RTN4RL1: variants seen among roughly 807,000 people sequenced by gnomAD.
RTN4RL1 encodes reticulon 4 receptor like 1.
A neutral mutation model predicts 25.6 loss-of-function variants in RTN4RL1; 7 were observed. The ratio of observed to expected loss-of-function variants is 0.27; its 90% CI spans 0.16 to 0.51. RTN4RL1 has a LOEUF of 0.51. Among genes scored for constraint, RTN4RL1 ranks in the 20% least tolerant of loss-of-function variants. The pLI is 0.97. For missense variants in RTN4RL1, 500 were observed against 615.6 expected (o/e 0.81, Z 1.99); for synonymous variants, 297 against 288.2 (o/e 1.03, Z -0.31).
chr17:1,949,994 A>G (rs1002640046), intron 1 of RTN4RL1, among the ~76,000 whole-genome samples: 1 of 152,240 alleles, frequency 6.6e-6, no homozygotes, highest in Non-Finnish European at 1.5e-5. Flanking sequence ...GCAGAGGGGC[A>G]GGAGATGGGG....
intron 1 of RTN4RL1, among the ~76,000 whole-genome samples, chr17:1,959,310 GTCT>G (rs1042801222): frequency 2.6e-5 from 4 of 152,206 alleles, no homozygotes; most frequent in African/African-American, 7.2e-5. Context: ...ATCTAATAGT[GTCT>G]TCTTCATCCT....
chr17:1,995,018 T>A (rs977168763), intron 1 of RTN4RL1, among the ~76,000 whole-genome samples: 1 of 151,762 alleles, frequency 6.6e-6, no homozygotes, highest in African/African-American at 2.4e-5. Context: ...GTCTGGAGCA[T>A]GTGGTTCCCC....
chr17:1,960,548 A>G (rs1915873919), intron 1 of RTN4RL1, among the ~76,000 whole-genome samples: 1 of 152,154 alleles, frequency 6.6e-6, no homozygotes, highest in South Asian at 2.1e-4. Flanking sequence ...TTTTCTTGTA[A>G]AATATACACA....
rs2151320174 is a variant in RTN4RL1 at position 1,994,587 on chromosome 17, A to G, written c.13+30266T>C. On this transcript the variant is annotated intron_variant, in intron 1 of 1. Transcript: ENST00000331238. This position sits in a 1 kb window ranked among gnomAD's most constrained non-coding sequence, Gnocchi z 4.3. ...GAAGGTCCTGCCACTACCTAACTTC[A>G]CAGAAGGCAGAGGACAATGAGTCTG... Among the ~76,000 whole-genome samples, 1 of 152,256 alleles carries G rather than the reference A, an allele frequency of 6.6e-6. No individual in the cohort carries two copies. Among genetic ancestry groups the G allele is most frequent in the Admixed American group, 6.5e-5 (1 of 15,284 alleles).
chr17:1,934,970 C>T lies in RTN4RL1; in HGVS notation c.*1526G>A, dbSNP rs538653455. The T allele has an allele frequency of 8.5e-5, 13 of 152,442 alleles. No individual in the cohort carries two copies. The highest frequency in any genetic ancestry group is 2.9e-4 in the African/African-American group (12 of 41,580). 9.4% of individuals were successfully genotyped at this position (152,442 alleles called of 1,614,324 possible). A position where few individuals can be genotyped will look rare whatever the true frequency, so the allele number is the denominator to read the frequency against. On this transcript the variant is annotated 3_prime_UTR_variant, in exon 2 of 2. Coordinates refer to ENST00000331238, the MANE Select transcript of RTN4RL1 (RefSeq NM_178568.4). The surrounding 1 kb of genome is among the most constrained non-coding windows in gnomAD (Gnocchi z 4.0). ...GGACGGCTGGGAGGGCCAGGTCTTC[C>T]GTGATGCAGAAGTGCCTGAGATGGT...
intron 1 of RTN4RL1, among the ~76,000 whole-genome samples, chr17:1,953,964 C>T (rs1915736763): frequency 6.6e-6 from 1 of 152,220 alleles, no homozygotes; most frequent in Non-Finnish European, 1.5e-5. Flanking sequence ...GGCCCTGAAG[C>T]CCCATCTTTC....
At position 1,998,106 on chromosome 17, in the gene RTN4RL1, C is replaced by A. The variant is rs1016192669; in HGVS notation, c.13+26747G>T. ...GGCCTCATTACCGAGGGAGAGCTGCCGGGGCTGGCAGGGGAGCCAGACGGC... is the reference window on the plus strand; with the variant it reads ...GGCCTCATTACCGAGGGAGAGCTGCAGGGGCTGGCAGGGGAGCCAGACGGC... On this transcript the variant is annotated intron_variant, in intron 1 of 1. Transcript: ENST00000331238. The surrounding 1 kb of genome is among the most constrained non-coding windows in gnomAD (Gnocchi z 4.9). Among the ~76,000 whole-genome samples, 8 of 152,170 alleles carry A rather than the reference C, an allele frequency of 5.3e-5. No individual in the cohort carries two copies. Among genetic ancestry groups the A allele is most frequent in the Non-Finnish European group, 1.0e-4 (7 of 68,000 alleles).
chr17:1,949,675 C>G (rs530355209), intron 1 of RTN4RL1, among the ~76,000 whole-genome samples: 54 of 152,212 alleles, frequency 3.5e-4, no homozygotes, highest in Middle Eastern at 3.2e-3. Flanking sequence ...TCCGGGTTTG[C>G]TTCCACAGCA....
At chr17:1,961,814 GGCA>G (rs1327192861) in intron 1 of RTN4RL1, among the ~76,000 whole-genome samples, 1 of 147,860 alleles carries the variant, frequency 6.8e-6, no homozygotes, top group Non-Finnish European at 1.5e-5. Context: ...AGGGCGTGGT[GGCA>G]TGTGCCTGTA....
At chr17:1,958,365 G>T (rs1915831199) in intron 1 of RTN4RL1, among the ~76,000 whole-genome samples, 1 of 152,180 alleles carries the variant, frequency 6.6e-6, no homozygotes, top group South Asian at 2.1e-4. Context: ...GCCCCACCAG[G>T]CACCCCGTCC....
At chr17:1,993,277 C>T (rs2151319852) in intron 1 of RTN4RL1, among the ~76,000 whole-genome samples, 1 of 152,178 alleles carries the variant, frequency 6.6e-6, no homozygotes, top group East Asian at 1.9e-4. Context: ...AAAGAAACTA[C>T]AGGTGTGTAT....
intron 1 of RTN4RL1, among the ~76,000 whole-genome samples, chr17:1,949,388 C>T (rs1051156485): frequency 6.6e-6 from 1 of 152,158 alleles, no homozygotes; most frequent in Non-Finnish European, 1.5e-5. Flanking sequence ...TGAGCCACAA[C>T]GCCTGGCCAA....
At chr17:2,000,040 C>T (rs1311312816) in intron 1 of RTN4RL1, among the ~76,000 whole-genome samples, 2 of 152,380 alleles carry the variant, frequency 1.3e-5, no homozygotes, top group East Asian at 3.9e-4. Flanking sequence ...CTGCAGCCAG[C>T]CCTGTGTGCA....
intron 1 of RTN4RL1, among the ~76,000 whole-genome samples, chr17:1,977,395 G>A (rs2066846777): frequency 6.6e-6 from 1 of 152,142 alleles, no homozygotes; most frequent in Non-Finnish European, 1.5e-5. Context: ...TGACGACCTT[G>A]GAGCCTGCCC....
chr17:1,987,718 GACACACACACACACACACACACAC>G (rs59658751), intron 1 of RTN4RL1, among the ~76,000 whole-genome samples: 20 of 145,096 alleles, frequency 1.4e-4, no homozygotes, highest in African/African-American at 4.1e-4. Context: ...TGAGTTCAGG[GACACACACACACACACACACACAC>G]ACACACACAC....
intron 1 of RTN4RL1, among the ~76,000 whole-genome samples, chr17:1,985,490 A>C (rs2066883778): frequency 6.6e-6 from 1 of 152,202 alleles, no homozygotes; most frequent in South Asian, 2.1e-4. Flanking sequence ...ACTGGGGGAC[A>C]ATTAATAGCT....
intron 1 of RTN4RL1, among the ~76,000 whole-genome samples, chr17:2,002,565 T>G (rs2066966647): frequency 6.6e-6 from 1 of 151,684 alleles, no homozygotes; most frequent in East Asian, 1.9e-4. Flanking sequence ...GTGCTGGGAT[T>G]ACAGGCGTGA....
chr17:2,024,774 C>T (rs984246130), intron 1 of RTN4RL1, 79 bp downstream of exon 1: 5 of 1,444,608 alleles, frequency 3.5e-6, no homozygotes, highest in African/African-American at 1.5e-5. Flanking sequence ...CCGGGAGCCC[C>T]GGCGCCGGGC....
chr17:1,948,193 A>T lies in RTN4RL1; in HGVS notation c.14-10385T>A, dbSNP rs532015515. Among the ~76,000 whole-genome samples, 6 of 151,964 alleles carry T rather than the reference A, an allele frequency of 3.9e-5. No homozygotes were observed. The East Asian group carries it at 1.2e-3, about 30-fold the overall frequency. On this transcript the variant is annotated intron_variant, in intron 1 of 1. Coordinates refer to ENST00000331238, the MANE Select transcript of RTN4RL1 (RefSeq NM_178568.4). ...GGCTGCAGGTGGAAACAGCGCACTG[A>T]CCTCTCTACTGGGCCCTCTCTCCCC...
Sources: allele counts gnomAD v4.1 joint callset (sites outside exome capture counted in the v4.1 genomes callset), GRCh38; gene constraint gnomAD v4.1.1; non-coding constraint Gnocchi (gnomAD v3.1); transcripts MANE v1.5; gene names NCBI Gene and HGNC (gene_info 2026-07-23, HGNC 2026-07-21).